Variants in KCNK12 observed in about 807,000 individuals in gnomAD.
KCNK12 encodes potassium two pore domain channel subfamily K member 12, also known as potassium channel subfamily K member 12.
In KCNK12, 6 loss-of-function variants were observed where a neutral mutation model predicts 25.3. The ratio of observed to expected loss-of-function variants is 0.24; its 90% CI spans 0.13 to 0.47. The LOEUF (loss-of-function observed/expected upper bound fraction) is 0.47. Ranked by LOEUF, KCNK12 falls within the 20% of genes least tolerant of loss-of-function variation. The pLI is 0.99. For missense variants in KCNK12, 444 were observed against 661.7 expected (o/e 0.67, Z 3.61); for synonymous variants, 331 against 311.1 (o/e 1.06, Z -0.67).
intron 1 of KCNK12, among the ~76,000 whole-genome samples, chr2:47,559,659 G>A (rs1223975335): frequency 1.3e-5 from 2 of 152,160 alleles, no homozygotes; most frequent in Non-Finnish European, 2.9e-5. Flanking sequence ...AAGAAACTAC[G>A]TTTTCTGCAT....
In KCNK12 at chr2:47,566,674, C is replaced by T. The variant is rs1669793037; in HGVS notation, c.391+3267G>A. On this transcript the variant is annotated intron_variant, in intron 1 of 1. Transcript: ENST00000327876. This position sits in a 1 kb window ranked among gnomAD's most constrained non-coding sequence, Gnocchi z 4.1. ...ATCAGTTGATGACGTGACCAATAGA[C>T]CAGCAGACCAGTCCCTGCCCTGGTT... 1 of 152,188 alleles carries T rather than the reference C, an allele frequency of 6.6e-6. No individual in the cohort carries two copies. Among genetic ancestry groups the T allele is most frequent in the Non-Finnish European group, 1.5e-5 (1 of 68,040 alleles). The allele number at this position is 152,188 out of a possible 1,614,324, so 9.4% of individuals were successfully genotyped here.
intron 1 of KCNK12, among the ~76,000 whole-genome samples, chr2:47,539,437 G>T (rs187129608): frequency 1.3e-5 from 2 of 152,162 alleles, no homozygotes; most frequent in Admixed American, 1.3e-4. Context: ...TGAGTTCAGC[G>T]AGTCTAGTTC....
At chr2:47,524,406 C>T (rs1668725140) in intron 1 of KCNK12, among the ~76,000 whole-genome samples, 1 of 152,176 alleles carries the variant, frequency 6.6e-6, no homozygotes, top group East Asian at 1.9e-4. Context: ...CTTGAAACAA[C>T]ATGGATAAAT....
intron 1 of KCNK12, among the ~76,000 whole-genome samples, chr2:47,536,872 C>G (rs931245837): frequency 2.6e-5 from 4 of 152,218 alleles, no homozygotes; most frequent in African/African-American, 9.6e-5. Flanking sequence ...ATAGCGAGGC[C>G]AAGCTGTGAT....
chr2:47,532,568 T>C (rs1668957670), intron 1 of KCNK12, among the ~76,000 whole-genome samples: 1 of 152,202 alleles, frequency 6.6e-6, no homozygotes, highest in Middle Eastern at 3.2e-3. Flanking sequence ...TTTATTCTTT[T>C]GTTGCTTTGT....
chr2:47,514,933 G>C lies in KCNK12; in HGVS notation c.*5974C>G, dbSNP rs1194043135. On this transcript the variant is annotated 3_prime_UTR_variant, in exon 2 of 2. Transcript: ENST00000327876. This position sits in a 1 kb window ranked among gnomAD's most constrained non-coding sequence, Gnocchi z 5.0. ...AGCTAAAAGTTCCTTTTTAAAATCT[G>C]CTTGTTAGATACACTCATAGAAAGG... Among the ~76,000 whole-genome samples, 1 of 152,174 alleles carries C rather than the reference G, an allele frequency of 6.6e-6. No homozygotes were observed. Among genetic ancestry groups the C allele is most frequent in the Non-Finnish European group, 1.5e-5 (1 of 68,028 alleles).
chr2:47,556,730 T>C lies in KCNK12; in HGVS notation c.391+13211A>G, dbSNP rs1185920595. 6.6e-6 allele frequency among the ~76,000 whole-genome samples: 1 copy of C among 151,942 alleles called. No homozygotes were observed. Among genetic ancestry groups the C allele is most frequent in the Non-Finnish European group, 1.5e-5 (1 of 68,004 alleles). ...GCTGAGTTAAAAAAGAAATGCAGGC[T>C]CAAAGAAGATGGTGGAAAAATAAGA... On this transcript the variant is annotated intron_variant, in intron 1 of 1. Coordinates refer to ENST00000327876, the MANE Select transcript of KCNK12 (RefSeq NM_022055.2). The surrounding 1 kb of genome is among the most constrained non-coding windows in gnomAD (Gnocchi z 4.8).
At position 47,566,136 on chromosome 2, in the gene KCNK12, A is replaced by G. The variant is rs904239284; in HGVS notation, c.391+3805T>C. On this transcript the variant is annotated intron_variant, in intron 1 of 1. Transcript: ENST00000327876. The surrounding 1 kb of genome is among the most constrained non-coding windows in gnomAD (Gnocchi z 4.1). ...CAGATTGACTTTCTACACAGCCTGA[A>G]CGGCTGCTGAATAATCACAGGCAAA... 11 of 152,350 alleles carry G rather than the reference A, an allele frequency of 7.2e-5. No individual in the cohort carries two copies. Among genetic ancestry groups the G allele is most frequent in the Middle Eastern group, 6.8e-3 (2 of 294 alleles). 9.4% of individuals were successfully genotyped at this position (152,350 alleles called of 1,614,324 possible). A position where few individuals can be genotyped will look rare whatever the true frequency, so the allele number is the denominator to read the frequency against.
In KCNK12 at chr2:47,519,914, A is replaced by C. The variant is rs1251969764; in HGVS notation, c.*993T>G. ...CCTCCTTCAGAGGAGGAGGAGGAGA[A>C]GCTGGAGGGCTGCGCCCGGCAACCC... On this transcript the variant is annotated 3_prime_UTR_variant, in exon 2 of 2. Transcript: ENST00000327876. 6.6e-6 allele frequency: 1 copy of C among 152,254 alleles called. No homozygotes were observed. Among genetic ancestry groups the C allele is most frequent in the Admixed American group, 6.5e-5 (1 of 15,284 alleles). 9.4% of individuals were successfully genotyped at this position (152,254 alleles called of 1,614,324 possible). A position where few individuals can be genotyped will look rare whatever the true frequency, so the allele number is the denominator to read the frequency against.
intron 1 of KCNK12, among the ~76,000 whole-genome samples, chr2:47,544,707 TCA>T (rs1572598214): frequency 1.3e-5 from 2 of 152,278 alleles, no homozygotes; most frequent in East Asian, 3.9e-4. Flanking sequence ...ACCCAATTAC[TCA>T]CACAGTCTTC....
At position 47,551,240 on chromosome 2, in the gene KCNK12, G is replaced by A. The variant is rs558817536; in HGVS notation, c.391+18701C>T. 4.6e-5 allele frequency among the ~76,000 whole-genome samples: 7 copies of A among 152,168 alleles called. No homozygotes were observed. The highest frequency in any genetic ancestry group is 1.7e-4 in the African/African-American group (7 of 41,512). On this transcript the variant is annotated intron_variant, in intron 1 of 1. Transcript: ENST00000327876. The surrounding 1 kb of genome is among the most constrained non-coding windows in gnomAD (Gnocchi z 5.3). ...AGCAAACCCTGCAAGCTCCTCCTAAGGGACCCTGGCACTGGCTGGAGCCCT... is the reference window on the plus strand; with the variant it reads ...AGCAAACCCTGCAAGCTCCTCCTAAAGGACCCTGGCACTGGCTGGAGCCCT...
At position 47,547,253 on chromosome 2, in the gene KCNK12, T is replaced by C. The variant is rs1381471678; in HGVS notation, c.391+22688A>G. Among the ~76,000 whole-genome samples, 1 of 152,208 alleles carries C rather than the reference T, an allele frequency of 6.6e-6. No homozygotes were observed. The highest frequency in any genetic ancestry group is 1.5e-5 in the Non-Finnish European group (1 of 68,038). Reference sequence around the variant, plus strand: ...CTCCCACGAACACGCCCTGGGACTCTGTGGTTCTAACCTTGACAGCAACTG... The same window carrying C: ...CTCCCACGAACACGCCCTGGGACTCCGTGGTTCTAACCTTGACAGCAACTG... On this transcript the variant is annotated intron_variant, in intron 1 of 1. Transcript: ENST00000327876. This position sits in a 1 kb window ranked among gnomAD's most constrained non-coding sequence, Gnocchi z 5.0.
intron 1 of KCNK12, chr2:47,563,795 A>G (rs922659722): frequency 3.0e-4 from 71 of 232,976 alleles, no homozygotes; most frequent in African/African-American, 1.4e-3. Context: ...GCTTCCAGCT[A>G]GAATACTCTA....
intron 1 of KCNK12, among the ~76,000 whole-genome samples, chr2:47,531,735 G>A (rs942496078): frequency 2.0e-5 from 3 of 152,168 alleles, no homozygotes; most frequent in South Asian, 2.1e-4. Context: ...AGGTTAAGGC[G>A]TAAAAACAGT....
rs1292763088 is a variant in KCNK12 at position 47,555,332 on chromosome 2, A to G, written c.391+14609T>C. 2.6e-5 allele frequency among the ~76,000 whole-genome samples: 4 copies of G among 152,214 alleles called. No individual in the cohort carries two copies. Among genetic ancestry groups the G allele is most frequent in the Admixed American group, 2.0e-4 (3 of 15,284 alleles). Reference sequence around the variant, plus strand: ...CAAAGAAAGCTCCTTATCCTCCCCTATCTGCCTAAAGGCAGGACATAAATT... The same window carrying G: ...CAAAGAAAGCTCCTTATCCTCCCCTGTCTGCCTAAAGGCAGGACATAAATT... On this transcript the variant is annotated intron_variant, in intron 1 of 1. Coordinates refer to ENST00000327876, the MANE Select transcript of KCNK12 (RefSeq NM_022055.2). The surrounding 1 kb of genome is among the most constrained non-coding windows in gnomAD (Gnocchi z 4.5).
Position 47,529,609 on chromosome 2 carries a change from A to G in KCNK12, c.392-7801T>C, listed in dbSNP as rs1410121462. On this transcript the variant is annotated intron_variant, in intron 1 of 1. Transcript: ENST00000327876. This position sits in a 1 kb window ranked among gnomAD's most constrained non-coding sequence, Gnocchi z 4.3. ...AGACTGAACTCCAGGAATGGGCTCT[A>G]TTAGTCTAGGCCAATCAGGATAATC... Among the ~76,000 whole-genome samples the G allele has an allele frequency of 6.6e-6, 1 of 152,212 alleles. No individual in the cohort carries two copies. The highest frequency in any genetic ancestry group is 1.5e-5 in the Non-Finnish European group (1 of 68,036).
chr2:47,561,658 G>A (rs1038580405), intron 1 of KCNK12, among the ~76,000 whole-genome samples: 21 of 152,192 alleles, frequency 1.4e-4, no homozygotes, highest in African/African-American at 4.3e-4. Context: ...TGGTTACCAG[G>A]CACTGCACCC....
chr2:47,521,042 C>A lies in KCNK12; in HGVS notation c.1158G>T (p.Gln386His). Residue 386 changes from glutamine (Q) to histidine (H), a missense_variant, in exon 2 of 2, where the codon CAG becomes CAT. Around this residue, in one of 8 missense-constraint regions of KCNK12, gnomAD observed 57 missense variants for 68.9 expected, o/e 0.83. Coordinates refer to ENST00000327876, the MANE Select transcript of KCNK12 (RefSeq NM_022055.2). ...ASNKVSLALL[Q>H]KQLSETANGY... Reference sequence around the variant, plus strand: ...CGTTGGCCGTCTCCGACAGCTGCTTCTGCAGCAGCGCCAGCGACACCTTGT... The same window carrying A: ...CGTTGGCCGTCTCCGACAGCTGCTTATGCAGCAGCGCCAGCGACACCTTGT... 1 of 1,398,034 alleles carries A rather than the reference C, an allele frequency of 7.2e-7. No individual in the cohort carries two copies. The highest frequency in any genetic ancestry group is 9.3e-7 in the Non-Finnish European group (1 of 1,072,024). 86.6% of individuals were successfully genotyped at this position (1,398,034 alleles called of 1,614,324 possible).
rs1448339416 is a variant in KCNK12 at position 47,548,114 on chromosome 2, G to C, written c.391+21827C>G. Among the ~76,000 whole-genome samples, 1 of 152,162 alleles carries C rather than the reference G, an allele frequency of 6.6e-6. No homozygotes were observed. The highest frequency in any genetic ancestry group is 2.4e-5 in the African/African-American group (1 of 41,428). ...TTCCTCTTTGCCTTCTGACATGATT[G>C]TAAGTTCCCTGAGGCCTCTCCTGCC... is the stretch of plus-strand genomic sequence containing the variant. On this transcript the variant is annotated intron_variant, in intron 1 of 1. Coordinates refer to ENST00000327876, the MANE Select transcript of KCNK12 (RefSeq NM_022055.2). This position sits in a 1 kb window ranked among gnomAD's most constrained non-coding sequence, Gnocchi z 4.4.
Sources: allele counts gnomAD v4.1 joint callset (sites outside exome capture counted in the v4.1 genomes callset), GRCh38; gene constraint gnomAD v4.1.1; regional missense constraint gnomAD v4.1.1; non-coding constraint Gnocchi (gnomAD v3.1); transcripts MANE v1.5; gene names NCBI Gene and HGNC (gene_info 2026-07-23, HGNC 2026-07-21).